The following MYO16 variants were observed in gnomAD, a reference collection of about 807,000 sequenced individuals.
The protein encoded by MYO16 is unconventional myosin-XVI.
Under a neutral mutation model 205.3 loss-of-function variants are expected in MYO16, and 94 were observed. The observed-to-expected ratio is 0.46, with a 90% CI of 0.39 to 0.54. MYO16 has a LOEUF of 0.54. MYO16 is among the 20% of genes least tolerant of loss of function. The pLI is 0.00. For synonymous variants in MYO16, 988 were observed against 954.0 expected, an observed-to-expected ratio of 1.04 and a Z score of -0.66; for missense variants, 2,315 against 2,387.5, an observed-to-expected ratio of 0.97 and a Z score of 0.63.
intron 9 of MYO16, among the ~76,000 whole-genome samples, chr13:108,843,923 T>C (rs1877378842): frequency 6.6e-6 from 1 of 152,154 alleles, no homozygotes; most frequent in South Asian, 2.1e-4. Flanking sequence ...GATTTTGTAT[T>C]TTAAATCCTA....
the MYO16 span, among the ~76,000 whole-genome samples, chr13:108,588,796 A>G: frequency 6.6e-6 from 1 of 152,168 alleles, no homozygotes; most frequent in Non-Finnish European, 1.5e-5. Context: ...CATGATTGCC[A>G]AAGTTCAAGG....
intron 32 of MYO16, among the ~76,000 whole-genome samples, chr13:109,151,658 C>T (rs768087755): frequency 1.3e-5 from 2 of 152,204 alleles, no homozygotes; most frequent in Non-Finnish European, 2.9e-5. Flanking sequence ...GTGATATATG[C>T]ACAATTGGTA....
intron 4 of MYO16, among the ~76,000 whole-genome samples, chr13:108,767,811 G>A (rs1885832429): frequency 6.6e-6 from 1 of 152,146 alleles, no homozygotes; most frequent in Non-Finnish European, 1.5e-5. Context: ...CCCAAAGTGT[G>A]CAGTCAGAGA....
intron 34 of MYO16, among the ~76,000 whole-genome samples, chr13:109,191,553 G>T (rs1236984655): frequency 6.6e-6 from 1 of 152,152 alleles, no homozygotes; most frequent in Non-Finnish European, 1.5e-5. Flanking sequence ...CCTGAGCAAA[G>T]ATATGGAAGT....
intron 2 of MYO16, among the ~76,000 whole-genome samples, chr13:108,690,107 G>T (rs192460595): frequency 1.8e-4 from 27 of 152,106 alleles, no homozygotes; most frequent in Middle Eastern, 6.8e-3. Context: ...TACCATGAAG[G>T]TCGAACTCAG....
At chr13:108,576,219 A>C in the MYO16 span, among the ~76,000 whole-genome samples, 1 of 152,242 alleles carries the variant, frequency 6.6e-6, no homozygotes, top group Non-Finnish European at 1.5e-5. Flanking sequence ...TCAGATGTGG[A>C]AATTCTGCAT....
intron 7 of MYO16, among the ~76,000 whole-genome samples, chr13:108,809,717 C>G (rs1352768095): frequency 2.6e-5 from 4 of 152,178 alleles, no homozygotes; most frequent in Admixed American, 6.5e-5. Flanking sequence ...GCTTGCAATT[C>G]AACATGAGAT....
At chr13:108,961,454 A>T in intron 17 of MYO16, 85 bp from the exon 18 acceptor site, 3 of 1,075,786 alleles carry the variant, frequency 2.8e-6, no homozygotes, top group African/African-American at 3.1e-5. Flanking sequence ...CATTTTTGTA[A>T]CTTACTTTTA....
rs545881126 is a variant in MYO16 at position 108,710,341 on chromosome 13, T to C, written c.293-2320T>C. Among the ~76,000 whole-genome samples, 15 of 152,282 alleles carry C rather than the reference T, an allele frequency of 9.9e-5. No individual in the cohort carries two copies. The South Asian group carries it at 2.9e-3, about 29-fold the overall frequency. On this transcript the variant is annotated intron_variant, in intron 2 of 34. Transcript: ENST00000457511. ...TTTGCCTTGTATATTTCCCCCTTTG[T>C]TCTACTTTTGTTTGATAAATTATAC...
chr13:108,883,233 G>T, intron 13 of MYO16, 47 bp downstream of exon 13: 1 of 1,592,476 alleles, frequency 6.3e-7, no homozygotes, highest in Non-Finnish European at 8.6e-7. Context: ...TTGCCACGGG[G>T]CTTGGCAGTA....
chr13:108,586,991 T>C, the MYO16 span, among the ~76,000 whole-genome samples: 2 of 152,232 alleles, frequency 1.3e-5, no homozygotes, highest in Non-Finnish European at 2.9e-5. Flanking sequence ...TGCAGCTTGC[T>C]GCACAGAAAG....
At chr13:109,108,233 C>G (rs1889179811) in intron 28 of MYO16, among the ~76,000 whole-genome samples, 1 of 152,156 alleles carries the variant, frequency 6.6e-6, no homozygotes, top group Non-Finnish European at 1.5e-5. Context: ...GGGTCTGGCA[C>G]ATAGTGTGTA....
intron 22 of MYO16, among the ~76,000 whole-genome samples, chr13:109,011,746 C>G (rs1885608764): frequency 6.6e-6 from 1 of 151,932 alleles, no homozygotes; most frequent in Non-Finnish European, 1.5e-5. Flanking sequence ...ATCTCCTGAC[C>G]TCGTAATCCG....
chr13:109,166,003 A>G (rs1362662286), intron 33 of MYO16, among the ~76,000 whole-genome samples: 1 of 152,228 alleles, frequency 6.6e-6, no homozygotes, highest in Non-Finnish European at 1.5e-5. Flanking sequence ...CCCAAAGGGC[A>G]GTAATAGCAT....
intron 2 of MYO16, among the ~76,000 whole-genome samples, chr13:108,678,894 C>CG (rs1458666046): frequency 1.3e-5 from 2 of 152,108 alleles, no homozygotes; most frequent in Admixed American, 6.6e-5. Context: ...AGTCCAAGGT[C>CG]GGGGGTCTGG....
intron 27 of MYO16, among the ~76,000 whole-genome samples, chr13:109,069,077 G>T (rs9301339): frequency 6.6e-6 from 1 of 151,878 alleles, no homozygotes; most frequent in Admixed American, 6.6e-5. Context: ...ATAAATGAAA[G>T]TGTTAAAATA....
At chr13:108,877,993 A>C (rs1233070847) in intron 12 of MYO16, among the ~76,000 whole-genome samples, 1 of 151,562 alleles carries the variant, frequency 6.6e-6, no homozygotes, top group Admixed American at 6.6e-5. Context: ...TAATTTTTAA[A>C]CATGCTACAG....
chr13:109,199,512 G>A (rs1026888108), intron 34 of MYO16, among the ~76,000 whole-genome samples: 11 of 151,960 alleles, frequency 7.2e-5, no homozygotes, highest in South Asian at 4.1e-4. Flanking sequence ...AAATAAATAA[G>A]TGACTCATTA....
At chr13:108,726,642 G>T (rs1218107660) in intron 3 of MYO16, among the ~76,000 whole-genome samples, 2 of 151,918 alleles carry the variant, frequency 1.3e-5, no homozygotes, top group African/African-American at 2.4e-5. Flanking sequence ...ATAAATATCT[G>T]GGACTTTTCA....
Sources: gnomAD v4.1 joint callset for allele counts (sites outside exome capture counted in the v4.1 genomes callset) on GRCh38, gnomAD v4.1.1 for gene constraint, MANE v1.5 for transcripts, NCBI Gene and HGNC (gene_info 2026-07-23, HGNC 2026-07-21) for gene names.